Variants in VAV2 observed in about 807,000 individuals in gnomAD.
VAV2 encodes guanine nucleotide exchange factor VAV2.
In VAV2, 67 loss-of-function variants were observed where a neutral mutation model predicts 132.5. The observed-to-expected ratio is 0.51, with a 90% CI of 0.42 to 0.62. The LOEUF (loss-of-function observed/expected upper bound fraction) is 0.62, where lower values mean the gene tolerates loss of function less well. Ranked by LOEUF, VAV2 falls within the 20% of genes least tolerant of loss-of-function variation. The probability of loss-of-function intolerance (pLI) is 0.00; values close to 1 mark genes in which losing one functional copy is unlikely to be tolerated. For synonymous variants in VAV2, 492 were observed against 443.5 expected, an observed-to-expected ratio of 1.11 and a Z score of -1.37; for missense variants, 938 against 1,153.6, an observed-to-expected ratio of 0.81 and a Z score of 2.71.
intron 4 of VAV2, among the ~76,000 whole-genome samples, chr9:133,816,627 G>A (rs1332303353): frequency 1.3e-5 from 2 of 152,214 alleles, no homozygotes; most frequent in Middle Eastern, 3.2e-3. Context: ...CAGCTACTAA[G>A]GAGGCTGAGG....
rs186787039 is a variant in VAV2, at chr9:133,820,990, C to T, written c.450-8774G>A. Among the ~76,000 whole-genome samples the T allele has an allele frequency of 2.1e-3, 317 of 152,306 alleles. 2 individuals are homozygous for T. Among genetic ancestry groups the T allele is most frequent in the Non-Finnish European group, 9.9e-4 (67 of 68,014 alleles). ...CCACGCAATCCCACAGGGGAGGGGC[C>T]GGGCTGTCGTGCCTTCCCTCTGGAC... On this transcript the variant is annotated intron_variant, in intron 4 of 29. Coordinates refer to ENST00000371850, the MANE Select transcript of VAV2 (RefSeq NM_001134398.2).
chr9:133,925,373 C>T (rs112626198), intron 2 of VAV2, among the ~76,000 whole-genome samples: 2,040 of 152,252 alleles, frequency 0.013, 36 homozygotes, highest in African/African-American at 0.046. Context: ...GGTGCCACTA[C>T]ATCCTGCTAA....
chr9:133,944,221 C>T (rs929934432), intron 1 of VAV2, among the ~76,000 whole-genome samples: 1 of 152,182 alleles, frequency 6.6e-6, no homozygotes, highest in East Asian at 1.9e-4. Flanking sequence ...AGAGCAGGGG[C>T]GCCCTTCAGC....
intron 2 of VAV2, among the ~76,000 whole-genome samples, chr9:133,864,417 A>G (rs1052670030): frequency 3.3e-5 from 5 of 152,154 alleles, no homozygotes; most frequent in African/African-American, 1.2e-4. Flanking sequence ...TCACTGAGGA[A>G]CGAGGTGGGG....
rs565116990 is a variant in VAV2 at position 133,823,177 on chromosome 9, G to A, written c.450-10961C>T. On this transcript the variant is annotated intron_variant, in intron 4 of 29. Coordinates refer to ENST00000371850, the MANE Select transcript of VAV2 (RefSeq NM_001134398.2). This position sits in a 1 kb window ranked among gnomAD's most constrained non-coding sequence, Gnocchi z 5.5. ...AGTGAACCAGGCCCAGGCCTAGTTAGGTGTCCTCTCTGTGCTCTGCTCCTT... is the reference window on the plus strand; with the variant it reads ...AGTGAACCAGGCCCAGGCCTAGTTAAGTGTCCTCTCTGTGCTCTGCTCCTT... Among the ~76,000 whole-genome samples, 31 of 152,352 alleles carry A rather than the reference G, an allele frequency of 2.0e-4. No homozygotes were observed. Among genetic ancestry groups the A allele is most frequent in the South Asian group, 4.1e-4 (2 of 4,828 alleles).
At chr9:133,766,140 T>G (rs1032697720) in intron 29 of VAV2, among the ~76,000 whole-genome samples, 1 of 152,142 alleles carries the variant, frequency 6.6e-6, no homozygotes, top group Non-Finnish European at 1.5e-5. Context: ...TGGGGAGCCC[T>G]GGGAAAGGTA....
intron 19 of VAV2, 136 bp from the exon 20 acceptor site, chr9:133,780,846 T>A: frequency 9.9e-7 from 1 of 1,014,720 alleles, no homozygotes. Context: ...GTGGTCTGTT[T>A]TGGACATGGA....
chr9:133,909,369 C>T (rs1053461952), intron 2 of VAV2, among the ~76,000 whole-genome samples: 3 of 152,200 alleles, frequency 2.0e-5, no homozygotes, highest in Non-Finnish European at 4.4e-5. Flanking sequence ...TCTCGCACTG[C>T]TAACTGTGGG....
Position 133,808,669 on chromosome 9 carries a change from T to C in VAV2, c.666+371A>G, listed in dbSNP as rs191274225. On this transcript the variant is annotated intron_variant, in intron 7 of 29. Transcript: ENST00000371850. ...TGGAAGCTTTGTTCCATTTTACAGA[T>C]GGGGAGGCTGAGTGTGGAGAGGCTG... is the stretch of plus-strand genomic sequence containing the variant. Among the ~76,000 whole-genome samples, 3 of 151,444 alleles carry C rather than the reference T, an allele frequency of 2.0e-5. No individual in the cohort carries two copies. The East Asian group carries it at 5.9e-4, about 30-fold the overall frequency.
intron 2 of VAV2, among the ~76,000 whole-genome samples, chr9:133,862,929 T>C (rs1423761240): frequency 6.6e-6 from 1 of 152,184 alleles, no homozygotes; most frequent in Non-Finnish European, 1.5e-5. Flanking sequence ...GGCTGAGTGC[T>C]GCCTTCCTGT....
chr9:133,827,203 A>G lies in VAV2; in HGVS notation c.449+7069T>C, dbSNP rs548991967. 5.8e-4 allele frequency among the ~76,000 whole-genome samples: 83 copies of G among 141,924 alleles called. 2 individuals carry two copies. In the South Asian group the frequency reaches 9.7e-3, roughly 17 times the overall value. The allele number at this position is 141,924 out of a possible 152,430, so 93.1% of individuals were successfully genotyped here. A position where few individuals can be genotyped will look rare whatever the true frequency, so the allele number is the denominator to read the frequency against. On this transcript the variant is annotated intron_variant, in intron 4 of 29. Coordinates refer to ENST00000371850, the MANE Select transcript of VAV2 (RefSeq NM_001134398.2). The stretch of plus-strand genomic sequence containing the variant: ...CGCCCACTGGGGCTGACCACTGAGC[A>G]TGGGCATCGCCAGCTACTGCTGTGC...
At chr9:133,832,359 A>G (rs1264590332) in intron 4 of VAV2, among the ~76,000 whole-genome samples, 1 of 152,118 alleles carries the variant, frequency 6.6e-6, no homozygotes, top group Admixed American at 6.5e-5. Flanking sequence ...TCCAACTCTG[A>G]GCATAGCAAG....
intron 9 of VAV2, among the ~76,000 whole-genome samples, chr9:133,798,013 G>A (rs374298372): frequency 3.9e-5 from 6 of 152,306 alleles, no homozygotes; most frequent in East Asian, 3.9e-4. Flanking sequence ...GAGGGCTGCC[G>A]GCGTGCTGGG....
chr9:133,782,096 C>G (rs1022911527), intron 19 of VAV2, among the ~76,000 whole-genome samples: 5 of 146,296 alleles, frequency 3.4e-5, no homozygotes, highest in Non-Finnish European at 6.1e-5. Flanking sequence ...AATTAATAAT[C>G]CGGCGGGGGC....
chr9:133,775,618 C>G (rs1324233332), intron 24 of VAV2, among the ~76,000 whole-genome samples: 2 of 152,196 alleles, frequency 1.3e-5, no homozygotes, highest in Non-Finnish European at 1.5e-5. Context: ...GCCACACTGT[C>G]AGGACAGTTG....
At chr9:133,809,239 T>C (rs1439117165) in intron 6 of VAV2, 101 bp from the exon 7 acceptor site, 1 of 1,054,448 alleles carries the variant, frequency 9.5e-7, no homozygotes, top group African/African-American at 1.6e-5. Flanking sequence ...AAAAGAGGAC[T>C]CCTTGGGTTT....
At chr9:133,881,044 G>A (rs1468023554) in intron 2 of VAV2, among the ~76,000 whole-genome samples, 2 of 150,920 alleles carry the variant, frequency 1.3e-5, no homozygotes, top group African/African-American at 4.9e-5. Flanking sequence ...GTTCAGCAAG[G>A]GGCCAGCAGC....
chr9:133,774,825 A>G (rs867205300), intron 25 of VAV2, 110 bp downstream of exon 25: 3 of 960,570 alleles, frequency 3.1e-6, no homozygotes, highest in Middle Eastern at 4.4e-4. Context: ...TTGGCAACAG[A>G]TGACATGTCC....
chr9:133,810,597 A>G (rs548525338), intron 5 of VAV2, among the ~76,000 whole-genome samples: 1 of 152,230 alleles, frequency 6.6e-6, no homozygotes, highest in East Asian at 1.9e-4. Flanking sequence ...GCCTGGATGG[A>G]CTGGACAGCT....
Sources: gnomAD v4.1 joint callset for allele counts (sites outside exome capture counted in the v4.1 genomes callset) on GRCh38, gnomAD v4.1.1 for gene constraint, Gnocchi (gnomAD v3.1) non-coding constraint, MANE v1.5 for transcripts, NCBI Gene and HGNC (gene_info 2026-07-23, HGNC 2026-07-21) for gene names.